Variants in LRRTM4 observed in about 807,000 individuals in gnomAD.
The protein encoded by LRRTM4 is leucine-rich repeat transmembrane neuronal protein 4.
A neutral mutation model predicts 47.6 loss-of-function variants in LRRTM4; 25 were observed. The observed-to-expected ratio is 0.53, with a 90% CI of 0.38 to 0.73. The LOEUF (loss-of-function observed/expected upper bound fraction) is 0.73, where lower values mean the gene tolerates loss of function less well. Ranked by LOEUF, LRRTM4 falls within the 30% of genes least tolerant of loss-of-function variation. LRRTM4 has a pLI of 0.00. For synonymous variants in LRRTM4, 311 were observed against 269.5 expected, an observed-to-expected ratio of 1.15 and a Z score of -1.51; for missense variants, 638 against 713.4, an observed-to-expected ratio of 0.89 and a Z score of 1.20.
At chr2:77,318,000 CTTTT>C (rs61212194) in intron 3 of LRRTM4, among the ~76,000 whole-genome samples, 5 of 99,786 alleles carry the variant, frequency 5.0e-5, no homozygotes, top group African/African-American at 1.3e-4. Flanking sequence ...ATTCCTAACA[CTTTT>C]TTTTTTTTTT....
intron 3 of LRRTM4, among the ~76,000 whole-genome samples, chr2:77,466,407 G>A (rs1460099598): frequency 1.3e-5 from 2 of 152,198 alleles, no homozygotes; most frequent in Non-Finnish European, 2.9e-5. Flanking sequence ...TTTCAAACGT[G>A]AGGTTAATGT....
At chr2:77,298,597 A>G (rs1218516536) in intron 3 of LRRTM4, among the ~76,000 whole-genome samples, 1 of 152,202 alleles carries the variant, frequency 6.6e-6, no homozygotes, top group Non-Finnish European at 1.5e-5. Flanking sequence ...GATGGAACCC[A>G]TGAACAGATG....
At chr2:76,863,026 A>G (rs1477769889) in intron 3 of LRRTM4, among the ~76,000 whole-genome samples, 1 of 152,180 alleles carries the variant, frequency 6.6e-6, no homozygotes, top group Non-Finnish European at 1.5e-5. Context: ...ACCACACCAG[A>G]ATTCAAAATT....
intron 3 of LRRTM4, among the ~76,000 whole-genome samples, chr2:76,877,434 T>C (rs533278344): frequency 1.3e-4 from 20 of 152,196 alleles, no homozygotes; most frequent in Non-Finnish European, 2.8e-4. Context: ...GTTAATCAAC[T>C]AATGGATCAG....
chr2:77,340,368 T>A (rs1474529713), intron 3 of LRRTM4, among the ~76,000 whole-genome samples: 1 of 151,896 alleles, frequency 6.6e-6, no homozygotes, highest in African/African-American at 2.4e-5. Flanking sequence ...AAAATTGGCA[T>A]AATAATAGAA....
intron 3 of LRRTM4, among the ~76,000 whole-genome samples, chr2:77,404,063 C>A (rs115170147): frequency 6.6e-6 from 1 of 151,802 alleles, no homozygotes; most frequent in Admixed American, 6.6e-5. Context: ...CAACTACTTT[C>A]GAGTCATAAC....
chr2:77,518,487 G>A lies in LRRTM4; in HGVS notation c.1382C>T (p.Ser461Phe). 6.2e-7 allele frequency: 1 copy of A among 1,613,420 alleles called. No homozygotes were observed. Among genetic ancestry groups the A allele is most frequent in the Non-Finnish European group, 8.5e-7 (1 of 1,179,640 alleles). Residue 461 changes from serine (S) to phenylalanine (F), a missense_variant, in exon 3 of 4, where the codon TCT becomes TTT. Physicochemically the swap from Ser to Phe is radical, Grantham distance 155. Transcript: ENST00000409884. ...PASMKQLQQH[S>F]LMKRRRKKAR... ...CTTTTTCCGCCGCCTCTTCATAAGA[G>A]AGTGTTGCTGGAGTTGTTTCATGCT...
At chr2:77,501,734 G>A (rs1447158060) in intron 3 of LRRTM4, among the ~76,000 whole-genome samples, 1 of 151,070 alleles carries the variant, frequency 6.6e-6, no homozygotes, top group Non-Finnish European at 1.5e-5. Context: ...AATGTTTATA[G>A]AAGCTAAAGG....
chr2:76,817,624 C>G (rs1341737507), intron 3 of LRRTM4, among the ~76,000 whole-genome samples: 1 of 151,968 alleles, frequency 6.6e-6, no homozygotes, highest in Non-Finnish European at 1.5e-5. Context: ...ACCAGAAGTT[C>G]TGGGAGCAGT....
chr2:77,102,794 C>T (rs527479857), intron 3 of LRRTM4, among the ~76,000 whole-genome samples: 15 of 152,236 alleles, frequency 9.9e-5, no homozygotes, highest in Admixed American at 2.6e-4. Context: ...TAGGGGTCAA[C>T]GAGCTGACTG....
chr2:77,272,641 G>C (rs1167278538), intron 3 of LRRTM4, among the ~76,000 whole-genome samples: 2 of 152,142 alleles, frequency 1.3e-5, no homozygotes, highest in African/African-American at 4.8e-5. Flanking sequence ...GCTTGGAGAT[G>C]GGGTCCAGTG....
intron 3 of LRRTM4, among the ~76,000 whole-genome samples, chr2:76,753,570 A>C (rs1672922073): frequency 6.6e-6 from 1 of 152,170 alleles, no homozygotes; most frequent in Non-Finnish European, 1.5e-5. Flanking sequence ...AAGAAGTTAA[A>C]AGTGACACAT....
At chr2:77,272,498 A>T (rs1178451253) in intron 3 of LRRTM4, among the ~76,000 whole-genome samples, 2 of 152,176 alleles carry the variant, frequency 1.3e-5, no homozygotes, top group Non-Finnish European at 2.9e-5. Flanking sequence ...AAGTGTATTG[A>T]TCATCATTTC....
At chr2:77,459,962 T>C (rs1427852304) in intron 3 of LRRTM4, among the ~76,000 whole-genome samples, 1 of 150,288 alleles carries the variant, frequency 6.7e-6, no homozygotes, top group Non-Finnish European at 1.5e-5. Context: ...CAATGCCATT[T>C]CATCAAGTCC....
intron 3 of LRRTM4, among the ~76,000 whole-genome samples, chr2:76,949,493 G>C (rs1433635336): frequency 6.6e-6 from 1 of 151,882 alleles, no homozygotes; most frequent in Non-Finnish European, 1.5e-5. Flanking sequence ...ATAGTTCACA[G>C]AACACTTCAT....
chr2:77,339,205 T>C (rs558287180), intron 3 of LRRTM4, among the ~76,000 whole-genome samples: 1 of 152,082 alleles, frequency 6.6e-6, no homozygotes, highest in African/African-American at 2.4e-5. Context: ...CATCATGCAA[T>C]ATACTCAAGT....
chr2:76,942,705 T>TGTGTGTGTGTGTG (rs1558753144), intron 3 of LRRTM4, among the ~76,000 whole-genome samples: 20 of 151,756 alleles, frequency 1.3e-4, no homozygotes, highest in Admixed American at 2.6e-4. Flanking sequence ...TGTGTGTGTG[T>TGTGTGTGTGTGTG]TTAAATCTGT....
chr2:77,344,386 A>C (rs999418269), intron 3 of LRRTM4, among the ~76,000 whole-genome samples: 2 of 151,872 alleles, frequency 1.3e-5, no homozygotes, highest in African/African-American at 4.8e-5. Context: ...AAGAATAGCT[A>C]AATGGAAATT....
chr2:76,972,711 C>T (rs1176392403), intron 3 of LRRTM4, among the ~76,000 whole-genome samples: 8 of 151,978 alleles, frequency 5.3e-5, no homozygotes, highest in East Asian at 1.9e-4. Flanking sequence ...TGATCCACAA[C>T]GCCCAGCCTG....
Sources: allele counts gnomAD v4.1 joint callset (sites outside exome capture counted in the v4.1 genomes callset), GRCh38; gene constraint gnomAD v4.1.1; transcripts MANE v1.5; gene names NCBI Gene and HGNC (gene_info 2026-07-23, HGNC 2026-07-21).